Variants in NXPH1 observed in about 807,000 individuals in gnomAD.
NXPH1 encodes the protein neurexophilin 1, also known as neurexophilin-1.
A neutral mutation model predicts 23.7 loss-of-function variants in NXPH1; 5 were observed. The observed-to-expected ratio is 0.21, with a 90% CI of 0.11 to 0.44. The LOEUF (loss-of-function observed/expected upper bound fraction) is 0.44. Ranked by LOEUF, NXPH1 falls within the 20% of genes least tolerant of loss-of-function variation. The probability of loss-of-function intolerance (pLI) is 0.99; values close to 1 mark genes in which losing one functional copy is unlikely to be tolerated. For missense variants in NXPH1, 324 were observed against 321.6 expected, an observed-to-expected ratio of 1.01 and a Z score of -0.06; for synonymous variants, 144 against 122.2, an observed-to-expected ratio of 1.18 and a Z score of -1.18.
chr7:8,697,157 C>CAA (rs139349283), intron 2 of NXPH1, among the ~76,000 whole-genome samples: 6 of 104,834 alleles, frequency 5.7e-5, no homozygotes, highest in African/African-American at 1.1e-4. Flanking sequence ...GATTCTGTTT[C>CAA]AAAAAAAAAA....
rs991778074 is a variant in NXPH1, at chr7:8,533,820, G to C, written c.54+98053G>C. Among the ~76,000 whole-genome samples, 32 of 152,116 alleles carry C rather than the reference G, an allele frequency of 2.1e-4. 1 individual carries two copies. The highest frequency in any genetic ancestry group is 2.9e-5 in the Non-Finnish European group (2 of 68,036). ...ATCTCCATAGGACACCCAGAGAAGAGCTGATCAATATTTTGGTGTCAAGGG... is the reference window on the plus strand; with the variant it reads ...ATCTCCATAGGACACCCAGAGAAGACCTGATCAATATTTTGGTGTCAAGGG... On this transcript the variant is annotated intron_variant, in intron 2 of 2. Transcript: ENST00000405863.
chr7:8,597,408 G>C (rs1819249703), intron 2 of NXPH1, among the ~76,000 whole-genome samples: 1 of 152,080 alleles, frequency 6.6e-6, no homozygotes, highest in Non-Finnish European at 1.5e-5. Context: ...GGATGGTAGA[G>C]CACCTGTGTT....
At chr7:8,504,215 GTAGTATTGCTTCTTAGGA>G (rs1317223814) in intron 2 of NXPH1, among the ~76,000 whole-genome samples, 31 of 152,004 alleles carry the variant, frequency 2.0e-4, no homozygotes, top group African/African-American at 6.0e-4. Flanking sequence ...TTTTTCTCTT[GTAGTATTGCTTCTTAGGA>G]TAGCAGTACT....
chr7:8,583,172 C>A (rs1447555471), intron 2 of NXPH1, among the ~76,000 whole-genome samples: 2 of 152,178 alleles, frequency 1.3e-5, no homozygotes, highest in African/African-American at 2.4e-5. Flanking sequence ...ATGAGGACTC[C>A]CATCCTGACT....
At chr7:8,472,633 G>C (rs1266220431) in intron 2 of NXPH1, among the ~76,000 whole-genome samples, 1 of 152,124 alleles carries the variant, frequency 6.6e-6, no homozygotes, top group Non-Finnish European at 1.5e-5. Context: ...GTCTGGATAG[G>C]ATACCACAAT....
intron 2 of NXPH1, among the ~76,000 whole-genome samples, chr7:8,645,145 T>G (rs912172861): frequency 1.3e-5 from 2 of 152,170 alleles, no homozygotes; most frequent in Admixed American, 1.3e-4. Context: ...CTTTTACTTT[T>G]CTTCGAATGC....
intron 2 of NXPH1, among the ~76,000 whole-genome samples, chr7:8,636,774 C>T (rs1820224109): frequency 6.6e-6 from 1 of 152,190 alleles, no homozygotes; most frequent in South Asian, 2.1e-4. Context: ...CTACAAATTA[C>T]CTGTTTGGGT....
At chr7:8,620,527 C>T (rs890137369) in intron 2 of NXPH1, among the ~76,000 whole-genome samples, 1 of 152,158 alleles carries the variant, frequency 6.6e-6, no homozygotes, top group Non-Finnish European at 1.5e-5. Context: ...TGCTACTGTT[C>T]TGTAACAGAC....
intron 2 of NXPH1, among the ~76,000 whole-genome samples, chr7:8,491,309 C>T (rs1294326612): frequency 1.3e-5 from 2 of 152,000 alleles, no homozygotes; most frequent in African/African-American, 4.8e-5. Flanking sequence ...GTTTTCAGGA[C>T]TCCATTTCCA....
At chr7:8,609,277 C>T (rs925175796) in intron 2 of NXPH1, among the ~76,000 whole-genome samples, 13 of 152,142 alleles carry the variant, frequency 8.5e-5, no homozygotes, top group East Asian at 3.9e-4. Flanking sequence ...TCATTTTAGA[C>T]GATTCTTTAA....
At chr7:8,724,902 G>T (rs545435423) in intron 2 of NXPH1, among the ~76,000 whole-genome samples, 1 of 152,160 alleles carries the variant, frequency 6.6e-6, no homozygotes, top group Non-Finnish European at 1.5e-5. Context: ...AAGAACCTGG[G>T]AATTGAGGAA....
intron 2 of NXPH1, among the ~76,000 whole-genome samples, chr7:8,462,475 G>T (rs1188611699): frequency 6.6e-6 from 1 of 152,158 alleles, no homozygotes; most frequent in Non-Finnish European, 1.5e-5. Flanking sequence ...TCATCACTGA[G>T]AAATGGAGAA....
chr7:8,741,351 C>T (rs1780357208), intron 2 of NXPH1, among the ~76,000 whole-genome samples: 2 of 152,120 alleles, frequency 1.3e-5, no homozygotes, highest in African/African-American at 4.8e-5. Flanking sequence ...AATAATGCTG[C>T]AATGAATATA....
intron 2 of NXPH1, among the ~76,000 whole-genome samples, chr7:8,669,696 C>A (rs934160814): frequency 1.3e-5 from 2 of 152,070 alleles, no homozygotes; most frequent in African/African-American, 4.8e-5. Context: ...GTGTTGGAGT[C>A]CAAGGCCAAG....
At chr7:8,558,592 T>C (rs919269350) in intron 2 of NXPH1, among the ~76,000 whole-genome samples, 1 of 151,722 alleles carries the variant, frequency 6.6e-6, no homozygotes, top group Non-Finnish European at 1.5e-5. Flanking sequence ...TTTAGTTCTT[T>C]AAACCTTTGA....
chr7:8,601,368 C>A (rs1354338196), intron 2 of NXPH1, among the ~76,000 whole-genome samples: 1 of 151,876 alleles, frequency 6.6e-6, no homozygotes. Flanking sequence ...ATTTTTGTTG[C>A]CAAATCACTT....
At chr7:8,479,464 G>C (rs1180082053) in intron 2 of NXPH1, among the ~76,000 whole-genome samples, 1 of 152,102 alleles carries the variant, frequency 6.6e-6, no homozygotes, top group Non-Finnish European at 1.5e-5. Context: ...TAAATTGGAA[G>C]TAAGAGTATG....
chr7:8,703,979 C>A (rs1779666299), intron 2 of NXPH1, among the ~76,000 whole-genome samples: 2 of 151,926 alleles, frequency 1.3e-5, no homozygotes, highest in Non-Finnish European at 2.9e-5. Flanking sequence ...AAGTCTGACC[C>A]AGGATAAGAT....
chr7:8,588,456 T>TG (rs759267766), intron 2 of NXPH1, among the ~76,000 whole-genome samples: 3 of 134,788 alleles, frequency 2.2e-5, no homozygotes, highest in East Asian at 3.9e-4. Context: ...CCCAGGACAG[T>TG]GAAAAAAAAA....
Sources: allele counts gnomAD v4.1 joint callset (sites outside exome capture counted in the v4.1 genomes callset), GRCh38; gene constraint gnomAD v4.1.1; transcripts MANE v1.5; gene names NCBI Gene and HGNC (gene_info 2026-07-23, HGNC 2026-07-21).